LMO7: variants seen among roughly 807,000 people sequenced by gnomAD.
LMO7 encodes the protein LIM domain only protein 7.
In LMO7, 120 loss-of-function variants were observed where a neutral mutation model predicts 206.5. That is an observed-to-expected ratio of 0.58 (90% CI 0.50 to 0.68). The LOEUF (loss-of-function observed/expected upper bound fraction) is 0.68, where lower values mean the gene tolerates loss of function less well. Among genes scored for constraint, LMO7 ranks in the 30% least tolerant of loss-of-function variants. The probability of loss-of-function intolerance (pLI) is 0.00; values close to 1 mark genes in which losing one functional copy is unlikely to be tolerated. For synonymous variants in LMO7, 706 were observed against 681.5 expected (o/e 1.04, Z -0.56); for missense variants, 1,959 against 1,957.9 (o/e 1.00, Z -0.01).
chr13:75,768,201 A>G (rs1314218046), intron 4 of LMO7, among the ~76,000 whole-genome samples: 1 of 152,136 alleles, frequency 6.6e-6, no homozygotes, highest in Non-Finnish European at 1.5e-5. Context: ...GTAGGAAAAC[A>G]CAGAGGAAAA....
intron 3 of LMO7, among the ~76,000 whole-genome samples, chr13:75,752,932 T>C (rs2047388165): frequency 6.6e-6 from 1 of 152,214 alleles, no homozygotes; most frequent in Non-Finnish European, 1.5e-5. Context: ...GATTTCTTTT[T>C]CCTTGGGTAG....
chr13:75,859,674 T>C lies in LMO7; in HGVS notation c.*1731T>C, dbSNP rs1368956955. On this transcript the variant is annotated 3_prime_UTR_variant, in exon 31 of 31. Coordinates refer to ENST00000377534, the MANE Select transcript of LMO7 (RefSeq NM_001306080.2). ...TCAGAGATTATGCATTTTAAGACAC[T>C]CATAGTATATATTGCCAAAGTGGTT... 6.6e-6 allele frequency: 1 copy of C among 152,188 alleles called. No individual in the cohort carries two copies. Among genetic ancestry groups the C allele is most frequent in the African/African-American group, 2.4e-5 (1 of 41,448 alleles). 9.4% of individuals were successfully genotyped at this position (152,188 alleles called of 1,614,324 possible). A position where few individuals can be genotyped will look rare whatever the true frequency, so the allele number is the denominator to read the frequency against.
intron 3 of LMO7, among the ~76,000 whole-genome samples, chr13:75,738,078 G>GT (rs141022356): frequency 0.015 from 2,210 of 147,182 alleles, 60 homozygotes; most frequent in African/African-American, 0.049. Flanking sequence ...CAGGAGTGTT[G>GT]TTTTTTTTTT....
chr13:75,692,627 C>T (rs568054725), intron 1 of LMO7, among the ~76,000 whole-genome samples: 16 of 152,084 alleles, frequency 1.1e-4, no homozygotes, highest in Non-Finnish European at 2.1e-4. Context: ...CCACTGCACT[C>T]GGCCATTTTT....
chr13:75,811,870 C>G (rs1371681385), intron 11 of LMO7, among the ~76,000 whole-genome samples: 1 of 151,862 alleles, frequency 6.6e-6, no homozygotes, highest in Non-Finnish European at 1.5e-5. Flanking sequence ...GAATCTGTTG[C>G]CAGTATTAAT....
chr13:75,744,691 C>T (rs1013811278), intron 3 of LMO7, among the ~76,000 whole-genome samples: 1 of 152,196 alleles, frequency 6.6e-6, no homozygotes, highest in African/African-American at 2.4e-5. Context: ...CTGTGCTTCC[C>T]ATCCTGAAAA....
intron 3 of LMO7, chr13:75,760,516 G>A (rs1218760345): frequency 7.8e-7 from 1 of 1,280,102 alleles, no homozygotes; most frequent in African/African-American, 1.5e-5. Flanking sequence ...ACAGTTTCTG[G>A]GTGGGTGAAT....
At chr13:75,716,333 C>T (rs1022318764) in intron 2 of LMO7, among the ~76,000 whole-genome samples, 2 of 152,176 alleles carry the variant, frequency 1.3e-5, no homozygotes, top group African/African-American at 4.8e-5. Flanking sequence ...AGACAAGATA[C>T]ACATTTGAGT....
At chr13:75,795,693 A>T (rs1329022085) in intron 5 of LMO7, among the ~76,000 whole-genome samples, 1 of 152,218 alleles carries the variant, frequency 6.6e-6, no homozygotes, top group Admixed American at 6.5e-5. Flanking sequence ...AATGGCTTCC[A>T]ACTCTGACCA....
chr13:75,645,969 G>A (rs2139068625), intron 1 of LMO7, among the ~76,000 whole-genome samples: 1 of 152,216 alleles, frequency 6.6e-6, no homozygotes, highest in African/African-American at 2.4e-5. Context: ...TCCTGACCCT[G>A]ACCTTGTCCC....
intron 3 of LMO7, among the ~76,000 whole-genome samples, chr13:75,733,051 G>C (rs1404185093): frequency 2.0e-5 from 3 of 152,198 alleles, no homozygotes; most frequent in Non-Finnish European, 4.4e-5. Flanking sequence ...GTGCCTCCCA[G>C]TTAGACTGCT....
chr13:75,833,638 G>A (rs1261917005), intron 16 of LMO7, among the ~76,000 whole-genome samples: 1 of 152,070 alleles, frequency 6.6e-6, no homozygotes, highest in East Asian at 1.9e-4. Flanking sequence ...TCTATACCAT[G>A]TCAAGCCCAG....
At chr13:75,843,878 A>G (rs1002436562) in intron 25 of LMO7, among the ~76,000 whole-genome samples, 6 of 152,296 alleles carry the variant, frequency 3.9e-5, no homozygotes, top group African/African-American at 1.2e-4. Context: ...AGCCGGGATG[A>G]CTGAATAGGG....
intron 2 of LMO7, chr13:75,623,342 T>G (rs1457984900): frequency 7.8e-7 from 1 of 1,282,242 alleles, no homozygotes. Flanking sequence ...CTGTATTTTC[T>G]AAGGCAGAAT....
chr13:75,701,801 A>T (rs933997626), intron 1 of LMO7, among the ~76,000 whole-genome samples: 24 of 152,232 alleles, frequency 1.6e-4, no homozygotes, highest in African/African-American at 5.3e-4. Flanking sequence ...ATAATGAAGC[A>T]TAGGCTGTAA....
At chr13:75,811,065 G>C (rs967255028) in intron 11 of LMO7, among the ~76,000 whole-genome samples, 11 of 152,202 alleles carry the variant, frequency 7.2e-5, no homozygotes, top group Admixed American at 3.9e-4. Flanking sequence ...ACAGTGGGAA[G>C]TATTATAATA....
chr13:75,832,719 G>A (rs974069484), intron 15 of LMO7, among the ~76,000 whole-genome samples: 2 of 152,126 alleles, frequency 1.3e-5, no homozygotes, highest in African/African-American at 4.8e-5. Flanking sequence ...TTCCTGGGCA[G>A]TGAATAAATG....
At chr13:75,673,098 A>G (rs1271970967) in intron 1 of LMO7, among the ~76,000 whole-genome samples, 1 of 152,212 alleles carries the variant, frequency 6.6e-6, no homozygotes, top group African/African-American at 2.4e-5. Flanking sequence ...CACATGCTTT[A>G]AAATCATCCA....
chr13:75,837,509 C>T (rs1566584321), intron 19 of LMO7, among the ~76,000 whole-genome samples: 1 of 151,834 alleles, frequency 6.6e-6, no homozygotes. Context: ...ACATTTTATG[C>T]CATAGTCTTG....
Sources: allele counts gnomAD v4.1 joint callset (sites outside exome capture counted in the v4.1 genomes callset), GRCh38; gene constraint gnomAD v4.1.1; transcripts MANE v1.5; gene names NCBI Gene and HGNC (gene_info 2026-07-23, HGNC 2026-07-21).